KRT10: variants seen among roughly 807,000 people sequenced by gnomAD.
KRT10 encodes keratin 10, also known as keratin, type I cytoskeletal 10.
A neutral mutation model predicts 59.2 loss-of-function variants in KRT10; 40 were observed. The observed-to-expected ratio is 0.68, with a 90% CI of 0.52 to 0.88. KRT10 has a LOEUF of 0.88. Ranked by LOEUF, KRT10 falls within the 40% of genes least tolerant of loss-of-function variation. The pLI is 0.00. For synonymous variants in KRT10, 336 were observed against 310.7 expected, an observed-to-expected ratio of 1.08 and a Z score of -0.86; for missense variants, 719 against 749.1, an observed-to-expected ratio of 0.96 and a Z score of 0.47.
In KRT10 at chr17:40,818,995, C is replaced by T; in HGVS notation, c.1540G>A (p.Gly514Arg). The T allele has an allele frequency of 1.4e-6, 2 of 1,382,750 alleles. No homozygotes were observed. The highest frequency in any genetic ancestry group is 1.5e-5 in the African/African-American group (1 of 64,574). The allele number at this position is 1,382,750 out of a possible 1,614,324, so 85.7% of individuals were successfully genotyped here. A position where few individuals can be genotyped will look rare whatever the true frequency, so the allele number is the denominator to read the frequency against. The change falls in exon 7 of 8, where the codon GGG (glycine) becomes AGG (arginine). Residue 514 changes from glycine (G) to arginine (R), a missense_variant. Around this residue, in one of 4 missense-constraint regions of KRT10, gnomAD observed 315 missense variants for 270.6 expected, o/e 1.16. Transcript: ENST00000269576. ...SGGGSSGGGY[G>R]GGSSSGGHGG... ...TGGCCGCCGCTGGAGCTTCCGCCCC[C>T]GTAGCCGCCGCCGGAGCTTCCGCCG...
chr17:40,820,570 C>T lies in KRT10; in HGVS notation c.808G>A (p.Glu270Lys), dbSNP rs373366688. 8 of 1,614,114 alleles carry T rather than the reference C, an allele frequency of 5.0e-6. No individual in the cohort carries two copies. Among genetic ancestry groups the T allele is most frequent in the Non-Finnish European group, 6.8e-6 (8 of 1,180,056 alleles). Reference protein sequence around the residue: ...DELTLTKADLEMQIESLTEEL... With the variant: ...DELTLTKADLKMQIESLTEEL... ...TCAGTCAGGCTCTCAATTTGCATCTCCAGGTCAGCCTTGGTCAGGGTCAGC... is the reference window on the plus strand; with the variant it reads ...TCAGTCAGGCTCTCAATTTGCATCTTCAGGTCAGCCTTGGTCAGGGTCAGC... Residue 270 changes from glutamate to lysine, a missense_variant, in exon 3 of 8, where the codon GAG (glutamate) becomes AAG (lysine). By Grantham distance (56) the Glu-to-Lys change is moderately conservative. Around this residue, in one of 4 missense-constraint regions of KRT10, gnomAD observed 221 missense variants for 277.8 expected, o/e 0.80. Transcript: ENST00000269576.
In KRT10 at chr17:40,818,895, G is replaced by GCCGCCGGAGCTGCAGCCGCCGCCGC; in HGVS notation, c.1639_1640insGCGGCGGCGGCTGCAGCTCCGGCGG (p.Ser547CysfsTer42). 1.6e-6 allele frequency: 2 copies of GCCGCCGGAGCTGCAGCCGCCGCCGC among 1,269,468 alleles called. No homozygotes were observed. The highest frequency in any genetic ancestry group is 1.0e-6 in the Non-Finnish European group (1 of 997,112). 78.6% of individuals were successfully genotyped at this position (1,269,468 alleles called of 1,614,324 possible). On this transcript the variant is annotated frameshift_variant, in exon 7 of 8. Transcript: ENST00000269576. LOFTEE classifies it high-confidence loss of function. ...GCCGCCGGAGCTGCTGCCGCCGCCG[G>GCCGCCGGAGCTGCAGCCGCCGCCGC]AGCTGCCGCCCCCGTAGCCGCCGCC...
Position 40,820,319 on chromosome 17 carries a change from T to C in KRT10, c.972A>G (p.Gln324=). 1 of 1,614,242 alleles carries C rather than the reference T, an allele frequency of 6.2e-7. No homozygotes were observed. Among genetic ancestry groups the C allele is most frequent in the Non-Finnish European group, 8.5e-7 (1 of 1,180,024 alleles). Residue 324 remains glutamine, a synonymous_variant, in exon 4 of 8, where the codon CAA becomes CAG. Coordinates refer to ENST00000269576, the MANE Select transcript of KRT10 (RefSeq NM_000421.5). ...LTQLLNNMRS[Q]YEQLAEQNRK... The stretch of plus-strand genomic sequence containing the variant: ...GGTTTTGTTCAGCAAGTTGTTCATA[T>C]TGGCTTCTCATGTTATTCAGAAGTT...
In KRT10 at chr17:40,820,194, G is replaced by C; in HGVS notation, c.1030-20C>G. The C allele has an allele frequency of 6.2e-7, 1 of 1,614,090 alleles. No individual in the cohort carries two copies. Among genetic ancestry groups the C allele is most frequent in the Non-Finnish European group, 8.5e-7 (1 of 1,179,968 alleles). ...CTTGCTCTAGAGTATTAAAAACAAG[G>C]AAAAGGGTGAGGAAATTCTGAAATG... On this transcript the variant is annotated intron_variant, in intron 4 of 7. Transcript: ENST00000269576.
At position 40,820,533 on chromosome 17, in the gene KRT10, T is replaced by C; in HGVS notation, c.845A>G (p.Tyr282Cys). The change falls in exon 3 of 8, where the codon TAT becomes TGT. Residue 282 changes from tyrosine (Y) to cysteine (C), a missense_variant. By Grantham distance (194) the Tyr-to-Cys change is radical. Coordinates refer to ENST00000269576, the MANE Select transcript of KRT10 (RefSeq NM_000421.5). ...QIESLTEELA[Y>C]LKKNHEEEMK... ...CACCTCCTCGTGGTTCTTCTTCAGA[T>C]AGGCCAGCTCTTCAGTCAGGCTCTC... 1 of 1,614,248 alleles carries C rather than the reference T, an allele frequency of 6.2e-7. No homozygotes were observed. Among genetic ancestry groups the C allele is most frequent in the Non-Finnish European group, 8.5e-7 (1 of 1,180,040 alleles).
At position 40,818,944 on chromosome 17, in the gene KRT10, C is replaced by T. The variant is rs1905192074; in HGVS notation, c.1591G>A (p.Gly531Ser). 1.5e-6 allele frequency: 2 copies of T among 1,330,418 alleles called. No homozygotes were observed. The highest frequency in any genetic ancestry group is 1.6e-5 in the South Asian group (1 of 61,962). 82.4% of individuals were successfully genotyped at this position (1,330,418 alleles called of 1,614,324 possible). The change falls in exon 7 of 8, where the codon GGT (glycine) becomes AGT (serine). Residue 531 changes from glycine (G) to serine (S), a missense_variant. By Grantham distance (56) the Gly-to-Ser change is moderately conservative (BLOSUM62 0). Coordinates refer to ENST00000269576, the MANE Select transcript of KRT10 (RefSeq NM_000421.5). ...CCGCCGCCGCCGGAACTGCCACCAC[C>T]GTAGCCGCCGCTGGAACTGCCGCCG... ...GHGGSSSGGY[G>S]GGSSGGGGGG...
Position 40,818,314 on chromosome 17 carries a change from G to T in KRT10, c.*162C>A. The T allele has an allele frequency of 1.1e-6, 1 of 929,830 alleles. No homozygotes were observed. 57.6% of individuals were successfully genotyped at this position (929,830 alleles called of 1,614,324 possible). Reference sequence around the variant, plus strand: ...ACAGAAGTGTTTTCTTGGAGACTTTGTTTTCCATGCATCTGTAAATAATGG... The same window carrying T: ...ACAGAAGTGTTTTCTTGGAGACTTTTTTTTCCATGCATCTGTAAATAATGG... On this transcript the variant is annotated 3_prime_UTR_variant, in exon 8 of 8. Transcript: ENST00000269576.
rs768920029 is a variant in KRT10, at chr17:40,818,453, T to C, written c.*23A>G. ...CCGTCGGGCGCCACCTCTTCAATAA[T>C]TGTCTTGATTACTCTGGTTTTGTTA... On this transcript the variant is annotated 3_prime_UTR_variant, in exon 8 of 8. Transcript: ENST00000269576. 1.5e-5 allele frequency: 24 copies of C among 1,613,146 alleles called. No individual in the cohort carries two copies. Among genetic ancestry groups the C allele is most frequent in the Non-Finnish European group, 1.6e-5 (19 of 1,179,272 alleles).
Position 40,820,291 on chromosome 17 carries a change from T to C in KRT10, c.1000A>G (p.Lys334Glu), listed in dbSNP as rs371899202. 2.5e-6 allele frequency: 4 copies of C among 1,614,246 alleles called. No individual in the cohort carries two copies. The highest frequency in any genetic ancestry group is 1.6e-4 in the Middle Eastern group (1 of 6,062). ...QYEQLAEQNR[K>E]DAEAWFNEKS... The stretch of plus-strand genomic sequence containing the variant: ...TCATTGAACCAGGCTTCAGCATCTT[T>C]GCGGTTTTGTTCAGCAAGTTGTTCA... The change falls in exon 4 of 8, where the codon AAA becomes GAA. Residue 334 changes from lysine (K) to glutamate (E), a missense_variant. By Grantham distance (56) the Lys-to-Glu change is moderately conservative. Coordinates refer to ENST00000269576, the MANE Select transcript of KRT10 (RefSeq NM_000421.5).
chr17:40,822,449 C>A lies in KRT10; in HGVS notation c.137G>T (p.Gly46Val). The A allele has an allele frequency of 6.2e-7, 1 of 1,614,052 alleles. No homozygotes were observed. Among genetic ancestry groups the A allele is most frequent in the Non-Finnish European group, 8.5e-7 (1 of 1,179,968 alleles). ...ACCACTGAACCCCCCTGAGCTAAATCCTCCACCAAGGGAGCCTTTGCTGCT... is the reference window on the plus strand; with the variant it reads ...ACCACTGAACCCCCCTGAGCTAAATACTCCACCAAGGGAGCCTTTGCTGCT... ...ISSSKGSLGG[G>V]FSSGGFSGGS... Residue 46 changes from glycine (G) to valine (V), a missense_variant, in exon 1 of 8, where the codon GGA (glycine) becomes GTA (valine). Coordinates refer to ENST00000269576, the MANE Select transcript of KRT10 (RefSeq NM_000421.5).
In KRT10 at chr17:40,819,067, C is replaced by CAA. The variant is rs1567707251; in HGVS notation, c.1467_1468insTT (p.Gly490LeufsTer130). The CAA allele has an allele frequency of 4.2e-6, 3 of 707,890 alleles. No individual in the cohort carries two copies. In the African/African-American group the frequency reaches 5.3e-5, roughly 12 times the overall value. 43.9% of individuals were successfully genotyped at this position (707,890 alleles called of 1,614,324 possible). A position where few individuals can be genotyped will look rare whatever the true frequency, so the allele number is the denominator to read the frequency against. ...CCGCCGCCGGAACTGCCGCCGTGGC[C>CAA]GCCGCCGTGGCCGCCGCCGGAGCTT... is the stretch of plus-strand genomic sequence containing the variant. On this transcript the variant is annotated frameshift_variant, in exon 7 of 8. Transcript: ENST00000269576. LOFTEE classifies it high-confidence loss of function.
In KRT10 at chr17:40,821,978, A is replaced by G; in HGVS notation, c.608T>C (p.Ile203Thr). The G allele has an allele frequency of 6.2e-7, 1 of 1,614,058 alleles. No individual in the cohort carries two copies. Among genetic ancestry groups the G allele is most frequent in the Non-Finnish European group, 8.5e-7 (1 of 1,179,960 alleles). Residue 203 changes from isoleucine to threonine, a missense_variant, in exon 1 of 8, where the codon ATC (isoleucine) becomes ACC (threonine). Physicochemically the swap from Ile to Thr is moderately conservative, Grantham distance 89. This residue lies in a region of KRT10 where 221 missense variants were observed against 277.8 expected (regional missense o/e 0.80). Transcript: ENST00000269576. ...PRDYSKYYKTIDDLKNQILNL... is the reference protein window; with the variant it reads ...PRDYSKYYKTTDDLKNQILNL... Reference sequence around the variant, plus strand: ...TCTTACCTGATTTTTAAGGTCATCGATGGTTTTGTAGTATTTGCTGTAGTC... The same window carrying G: ...TCTTACCTGATTTTTAAGGTCATCGGTGGTTTTGTAGTATTTGCTGTAGTC...
chr17:40,818,395 G>A lies in KRT10; in HGVS notation c.*81C>T. On this transcript the variant is annotated 3_prime_UTR_variant, in exon 8 of 8. Coordinates refer to ENST00000269576, the MANE Select transcript of KRT10 (RefSeq NM_000421.5). Reference sequence around the variant, plus strand: ...TGCAGTTTAATAGTAGTGTTTCTTGGTTTCTGATTCAACCATAGATGAAAG... The same window carrying A: ...TGCAGTTTAATAGTAGTGTTTCTTGATTTCTGATTCAACCATAGATGAAAG... 1.2e-6 allele frequency: 2 copies of A among 1,601,178 alleles called. No individual in the cohort carries two copies. The highest frequency in any genetic ancestry group is 1.7e-6 in the Non-Finnish European group (2 of 1,169,774).
chr17:40,819,172 T>A lies in KRT10; in HGVS notation c.1374-11A>T, dbSNP rs766683899. Reference sequence around the variant, plus strand: ...CCGCCGCCTCCGGAACTAAACGGGGTGAGGTCACATTCGGTTATCTCTAAC... The same window carrying A: ...CCGCCGCCTCCGGAACTAAACGGGGAGAGGTCACATTCGGTTATCTCTAAC... On this transcript the variant is annotated splice_polypyrimidine_tract_variant and intron_variant, in intron 6 of 7. Transcript: ENST00000269576. The A allele has an allele frequency of 9.4e-6, 15 of 1,587,354 alleles. No individual in the cohort carries two copies. The South Asian group carries it at 1.7e-4, about 18-fold the overall frequency.
rs1401994580 is a variant in KRT10 at position 40,819,013 on chromosome 17, TTCCGCCGCCGGAGCTTCCGCCTCCGTA to T, written c.1495_1521del (p.Tyr499_Gly507del). On this transcript the variant is annotated inframe_deletion, in exon 7 of 8. Coordinates refer to ENST00000269576, the MANE Select transcript of KRT10 (RefSeq NM_000421.5). ...CCGCCCCCGTAGCCGCCGCCGGAGCTTCCGCCGCCGGAGCTTCCGCCTCCGTAGCCGCCGCCGGAACTGCCGCCGTGG... is the reference window on the plus strand; with the variant it reads ...CCGCCCCCGTAGCCGCCGCCGGAGCTGCCGCCGCCGGAACTGCCGCCGTGG... The T allele has an allele frequency of 1.0e-5, 13 of 1,246,612 alleles. No homozygotes were observed. In the East Asian group the frequency reaches 4.6e-4, roughly 44 times the overall value. 77.2% of individuals were successfully genotyped at this position (1,246,612 alleles called of 1,614,324 possible).
rs990849989 is a variant in KRT10 at position 40,820,762 on chromosome 17, C to T, written c.711-95G>A. 4 of 1,301,544 alleles carry T rather than the reference C, an allele frequency of 3.1e-6. No homozygotes were observed. In the Admixed American group the frequency reaches 5.5e-5, roughly 18 times the overall value. The allele number at this position is 1,301,544 out of a possible 1,614,324, so 80.6% of individuals were successfully genotyped here. On this transcript the variant is annotated intron_variant, in intron 2 of 7. Transcript: ENST00000269576. Reference sequence around the variant, plus strand: ...TAAAAAGCAGCTACATAGTTGATCTCATGTAATGGCAATATTTGTCATGTA... The same window carrying T: ...TAAAAAGCAGCTACATAGTTGATCTTATGTAATGGCAATATTTGTCATGTA...
At chr17:40,821,329 C>T (rs776303383) in intron 1 of KRT10, among the ~76,000 whole-genome samples, 1 of 152,146 alleles carries the variant, frequency 6.6e-6, no homozygotes, top group Non-Finnish European at 1.5e-5. Flanking sequence ...TTTCTGTACA[C>T]GAATTATTCC....
At position 40,818,433 on chromosome 17, in the gene KRT10, G is replaced by A. The variant is rs1411962749; in HGVS notation, c.*43C>T. On this transcript the variant is annotated 3_prime_UTR_variant, in exon 8 of 8. Coordinates refer to ENST00000269576, the MANE Select transcript of KRT10 (RefSeq NM_000421.5). ...CCATAGATGAAAGAACTCTACCGTCGGGCGCCACCTCTTCAATAATTGTCT... is the reference window on the plus strand; with the variant it reads ...CCATAGATGAAAGAACTCTACCGTCAGGCGCCACCTCTTCAATAATTGTCT... The A allele has an allele frequency of 8.7e-6, 14 of 1,613,028 alleles. No individual in the cohort carries two copies. Among genetic ancestry groups the A allele is most frequent in the African/African-American group, 5.3e-5 (4 of 74,878 alleles).
intron 5 of KRT10, 146 bp downstream of exon 5, chr17:40,819,903 A>G: frequency 1.8e-6 from 2 of 1,117,948 alleles, no homozygotes; most frequent in Non-Finnish European, 2.7e-6. Context: ...CAACACTAGT[A>G]GTACTTTTCC....
Sources: gnomAD v4.1 joint callset for allele counts (sites outside exome capture counted in the v4.1 genomes callset) on GRCh38, gnomAD v4.1.1 for gene constraint, gnomAD v4.1.1 regional missense constraint, MANE v1.5 for transcripts, NCBI Gene and HGNC (gene_info 2026-07-23, HGNC 2026-07-21) for gene names.